Variants in GLCE observed in about 807,000 individuals in gnomAD.
The protein encoded by GLCE is D-glucuronyl C5-epimerase.
Under a neutral mutation model 47.9 loss-of-function variants are expected in GLCE, and 19 were observed. The observed-to-expected ratio is 0.40, with a 90% CI of 0.28 to 0.58. The LOEUF (loss-of-function observed/expected upper bound fraction) is 0.58. Among genes scored for constraint, GLCE ranks in the 20% least tolerant of loss-of-function variants. GLCE has a pLI of 0.48. For missense variants in GLCE, 556 were observed against 743.3 expected (o/e 0.75, Z 2.93); for synonymous variants, 245 against 263.4 (o/e 0.93, Z 0.68).
chr15:69,172,597 C>T (rs2051604695), intron 1 of GLCE, among the ~76,000 whole-genome samples: 1 of 81,516 alleles, frequency 1.2e-5, no homozygotes, highest in African/African-American at 2.8e-5. Context: ...CATTTGACAT[C>T]CTCTTAACGA....
intron 1 of GLCE, among the ~76,000 whole-genome samples, chr15:69,173,129 C>G (rs777709142): frequency 4.6e-5 from 7 of 152,176 alleles, no homozygotes; most frequent in Non-Finnish European, 1.0e-4. Flanking sequence ...CCTGCTTAAG[C>G]TACACTTTGA....
At chr15:69,258,103 A>C (rs182287075) in intron 3 of GLCE, among the ~76,000 whole-genome samples, 34 of 152,104 alleles carry the variant, frequency 2.2e-4, no homozygotes, top group African/African-American at 7.7e-4. Context: ...CCCAGGTATT[A>C]AGCCTAGGAC....
At chr15:69,229,402 A>G (rs909044009) in intron 2 of GLCE, among the ~76,000 whole-genome samples, 2 of 152,230 alleles carry the variant, frequency 1.3e-5, no homozygotes, top group Non-Finnish European at 1.5e-5. Flanking sequence ...CAGCTCAGGA[A>G]TTACAAAGGT....
chr15:69,259,151 C>T (rs1450631597), intron 3 of GLCE, among the ~76,000 whole-genome samples: 1 of 152,138 alleles, frequency 6.6e-6, no homozygotes, highest in African/African-American at 2.4e-5. Flanking sequence ...GGTCAGATAT[C>T]TTTTTCTTAT....
chr15:69,196,777 G>T, intron 1 of GLCE: 2 of 166,056 alleles, frequency 1.2e-5, no homozygotes, highest in South Asian at 1.5e-4. Context: ...GGTGCCTCAT[G>T]AGCTGACTGA....
At chr15:69,238,091 G>A (rs1793367169) in intron 2 of GLCE, among the ~76,000 whole-genome samples, 1 of 152,176 alleles carries the variant, frequency 6.6e-6, no homozygotes, top group Non-Finnish European at 1.5e-5. Context: ...AAACATTCCT[G>A]TCTCACTTTT....
intron 2 of GLCE, among the ~76,000 whole-genome samples, chr15:69,234,176 C>T (rs954083538): frequency 1.3e-5 from 2 of 152,098 alleles, no homozygotes; most frequent in Admixed American, 1.3e-4. Context: ...GGAGGTTTCA[C>T]CATGTTGGCC....
At chr15:69,243,600 T>G (rs2052705742) in intron 2 of GLCE, among the ~76,000 whole-genome samples, 1 of 150,612 alleles carries the variant, frequency 6.6e-6, no homozygotes, top group Admixed American at 6.6e-5. Context: ...TTGTGTTGCA[T>G]GACATGAGCA....
chr15:69,210,841 G>A (rs1005233674), intron 2 of GLCE, among the ~76,000 whole-genome samples: 6 of 152,216 alleles, frequency 3.9e-5, no homozygotes, highest in African/African-American at 1.4e-4. Flanking sequence ...ATTGTGTGTG[G>A]CCATCTTAGC....
chr15:69,175,448 C>T (rs2051649052), intron 1 of GLCE, among the ~76,000 whole-genome samples: 1 of 152,056 alleles, frequency 6.6e-6, no homozygotes, highest in Non-Finnish European at 1.5e-5. Context: ...CTTACTGGAC[C>T]TCAGTAGTGT....
rs751765489 is a variant in GLCE, at chr15:69,256,011, G to A, written c.205G>A (p.Ala69Thr). ...GAGTAACAACTATATGAACCACGTG[G>A]CCAAACAACAGTCTGAGGAAGCATT... Reference protein sequence around the residue: ...SESNNYMNHVAKQQSEEAFPQ... With the variant: ...SESNNYMNHVTKQQSEEAFPQ... The change falls in exon 3 of 5, where the codon GCC (alanine) becomes ACC (threonine). Residue 69 changes from alanine to threonine, a missense_variant. Coordinates refer to ENST00000261858, the MANE Select transcript of GLCE (RefSeq NM_015554.3). 7 of 1,614,064 alleles carry A rather than the reference G, an allele frequency of 4.3e-6. No individual in the cohort carries two copies. The East Asian group carries it at 1.3e-4, about 31-fold the overall frequency.
intron 1 of GLCE, among the ~76,000 whole-genome samples, chr15:69,166,937 CG>C (rs1240918454): frequency 1.5e-5 from 2 of 136,462 alleles, no homozygotes; most frequent in East Asian, 2.2e-4. Flanking sequence ...AAAAAAAGGC[CG>C]GGTGCGATGG....
rs1364308960 is a variant in GLCE, at chr15:69,255,997, A to G, written c.191A>G (p.Tyr64Cys). 3.7e-6 allele frequency: 6 copies of G among 1,613,992 alleles called. No individual in the cohort carries two copies. Among genetic ancestry groups the G allele is most frequent in the African/African-American group, 1.3e-5 (1 of 74,898 alleles). Reference sequence around the variant, plus strand: ...GCAGCAGCATCTGAGAGTAACAACTATATGAACCACGTGGCCAAACAACAG... The same window carrying G: ...GCAGCAGCATCTGAGAGTAACAACTGTATGAACCACGTGGCCAAACAACAG... ...KRAAASESNN[Y>C]MNHVAKQQSE... Residue 64 changes from tyrosine to cysteine, a missense_variant, in exon 3 of 5, where the codon TAT (tyrosine) becomes TGT (cysteine). This residue lies in a region of GLCE where 237 missense variants were observed against 310.9 expected (regional missense o/e 0.76). Transcript: ENST00000261858.
intron 1 of GLCE, among the ~76,000 whole-genome samples, chr15:69,182,269 T>TTG (rs34135980): frequency 0.12 from 17,689 of 144,748 alleles, 1,096 homozygotes; most frequent in Non-Finnish European, 0.15. Flanking sequence ...CATCGTGTAT[T>TTG]TGTGTGTGTG....
intron 2 of GLCE, among the ~76,000 whole-genome samples, chr15:69,210,766 A>G (rs1415887117): frequency 6.6e-6 from 1 of 152,144 alleles, no homozygotes. Context: ...ACTATGGCCT[A>G]TGGGCCAGCC....
In GLCE at chr15:69,214,191, C is replaced by T. The variant is rs867337040; in HGVS notation, c.-14+3785C>T. 5.3e-5 allele frequency among the ~76,000 whole-genome samples: 8 copies of T among 151,938 alleles called. No individual in the cohort carries two copies. The South Asian group carries it at 6.2e-4, about 12-fold the overall frequency. On this transcript the variant is annotated intron_variant, in intron 2 of 4. Coordinates refer to ENST00000261858, the MANE Select transcript of GLCE (RefSeq NM_015554.3). Reference sequence around the variant, plus strand: ...GGGTGCTAGGTATGTTCATTGCTACCGAGGAGTTACTGCTTTTAGGCCTTT... The same window carrying T: ...GGGTGCTAGGTATGTTCATTGCTACTGAGGAGTTACTGCTTTTAGGCCTTT...
intron 2 of GLCE, among the ~76,000 whole-genome samples, chr15:69,217,639 A>G (rs1222271875): frequency 1.3e-5 from 2 of 152,170 alleles, no homozygotes; most frequent in Admixed American, 6.5e-5. Context: ...TATTAATTTC[A>G]CTTTCATTGT....
At chr15:69,186,811 G>A (rs1595743524) in intron 1 of GLCE, among the ~76,000 whole-genome samples, 1 of 152,252 alleles carries the variant, frequency 6.6e-6, no homozygotes, top group Middle Eastern at 3.4e-3. Flanking sequence ...AGGGCTTTGT[G>A]TAGCTTACAA....
intron 2 of GLCE, among the ~76,000 whole-genome samples, chr15:69,213,357 T>C (rs906787693): frequency 2.8e-4 from 42 of 152,160 alleles, no homozygotes; most frequent in African/African-American, 9.7e-4. Context: ...GACAGTTCCT[T>C]AGTCTTTCCG....
Sources: allele counts gnomAD v4.1 joint callset (sites outside exome capture counted in the v4.1 genomes callset), GRCh38; gene constraint gnomAD v4.1.1; regional missense constraint gnomAD v4.1.1; transcripts MANE v1.5; gene names NCBI Gene and HGNC (gene_info 2026-07-23, HGNC 2026-07-21).